TSPEAR: variants seen among roughly 807,000 people sequenced by gnomAD.
The protein encoded by TSPEAR is thrombospondin type laminin G domain and EAR repeats.
A neutral mutation model predicts 71.6 loss-of-function variants in TSPEAR; 69 were observed. That is an observed-to-expected ratio of 0.96 (90% CI 0.79 to 1.18). The LOEUF is 1.18. Ranked by LOEUF, TSPEAR falls within the 50% of genes most tolerant of loss-of-function variation. The probability of loss-of-function intolerance (pLI) is 0.00; values close to 1 mark genes in which losing one functional copy is unlikely to be tolerated. For missense variants in TSPEAR, 971 were observed against 894.9 expected, an observed-to-expected ratio of 1.09 and a Z score of -1.09; for synonymous variants, 402 against 387.2, an observed-to-expected ratio of 1.04 and a Z score of -0.45.
chr21:44,657,840 A>G lies in TSPEAR; in HGVS notation c.82+53593T>C, dbSNP rs587643410. ...GGGAAAATAAGATGTTGGGAAACAC[A>G]GTGGAAACAACCACAAGGAAGACAA... On this transcript the variant is annotated intron_variant, in intron 1 of 11. Transcript: ENST00000323084. 172 of 780,186 alleles carry G rather than the reference A, an allele frequency of 2.2e-4. No individual in the cohort carries two copies. In the African/African-American group the frequency reaches 2.4e-3, roughly 11 times the overall value. The allele number at this position is 780,186 out of a possible 1,614,324, so 48.3% of individuals were successfully genotyped here. A position where few individuals can be genotyped will look rare whatever the true frequency, so the allele number is the denominator to read the frequency against.
intron 1 of TSPEAR, among the ~76,000 whole-genome samples, chr21:44,645,678 C>A (rs1201534815): frequency 1.3e-5 from 2 of 152,022 alleles, no homozygotes; most frequent in Admixed American, 6.6e-5. Context: ...ATCGTCTGTG[C>A]CGTTTTTATT....
In TSPEAR at chr21:44,678,117, C is replaced by A. The variant is rs114348801; in HGVS notation, c.82+33316G>T. On this transcript the variant is annotated intron_variant, in intron 1 of 11. Transcript: ENST00000323084. The stretch of plus-strand genomic sequence containing the variant: ...GAGCGGACGGTGCTGCTGGTGGATG[C>A]GGGAGCTGCCATGGCGGCACGAGTA... 10 of 610,456 alleles carry A rather than the reference C, an allele frequency of 1.6e-5. No homozygotes were observed. In the African/African-American group the frequency reaches 1.8e-4, roughly 11 times the overall value. 37.8% of individuals were successfully genotyped at this position (610,456 alleles called of 1,614,324 possible).
chr21:44,707,235 C>T (rs1987969627), intron 1 of TSPEAR, among the ~76,000 whole-genome samples: 1 of 152,208 alleles, frequency 6.6e-6, no homozygotes, highest in Admixed American at 6.5e-5. Context: ...CCTGCCGCTC[C>T]ACCCCTGCCC....
At chr21:44,693,426 G>A (rs565447201) in intron 1 of TSPEAR, among the ~76,000 whole-genome samples, 1 of 152,240 alleles carries the variant, frequency 6.6e-6, no homozygotes, top group East Asian at 1.9e-4. Flanking sequence ...ACAATCCACA[G>A]AATGAAAGAA....
intron 1 of TSPEAR, chr21:44,601,348 T>A (rs1555928717): frequency 1.9e-6 from 3 of 1,613,206 alleles, no homozygotes; most frequent in Admixed American, 1.7e-5. Flanking sequence ...TGTGCCCACC[T>A]GCTCTGATGA....
At chr21:44,619,422 C>G (rs58081688) in intron 1 of TSPEAR, among the ~76,000 whole-genome samples, 1,537 of 152,356 alleles carry the variant, frequency 0.01, 21 homozygotes, top group African/African-American at 0.035. Context: ...TGTCACTGTG[C>G]AGTTTTCACC....
chr21:44,521,940 C>T lies in TSPEAR; in HGVS notation c.1509G>A (p.Val503=). 2 of 1,614,070 alleles carry T rather than the reference C, an allele frequency of 1.2e-6. No homozygotes were observed. Among genetic ancestry groups the T allele is most frequent in the Non-Finnish European group, 1.7e-6 (2 of 1,180,018 alleles). ...GGAGTCGGATGTAGAGGTGCGAGTG[C>T]ACCTTGGTGGAGGTGCCGTTGAAGG... is the stretch of plus-strand genomic sequence containing the variant. ...ANTFNGTSTK[V]HSHLYIRLLG... is the part of the protein sequence containing the mutation. The change falls in exon 9 of 12, where the codon GTG becomes GTA. Residue 503 remains valine (V), a synonymous_variant. Transcript: ENST00000323084.
In TSPEAR at chr21:44,600,708, C is replaced by T. The variant is rs374137541; in HGVS notation, c.83-32703G>A. ...TTCCTGGTTCCTGTGACTCTTGCTC[C>T]GACTCCTGGCAGGTGGACGACTGCC... is the stretch of plus-strand genomic sequence containing the variant. On this transcript the variant is annotated intron_variant, in intron 1 of 11. Transcript: ENST00000323084. 690 of 1,613,248 alleles carry T rather than the reference C, an allele frequency of 4.3e-4. 3 individuals carry two copies. The East Asian group carries it at 5.2e-3, about 12-fold the overall frequency.
intron 1 of TSPEAR, chr21:44,647,141 C>T (rs782453810): frequency 6.2e-7 from 1 of 1,614,208 alleles, no homozygotes; most frequent in South Asian, 1.1e-5. Context: ...TGCTGCACCA[C>T]CTCCTGCTGC....
chr21:44,651,853 G>GA (rs1292578958), intron 1 of TSPEAR, among the ~76,000 whole-genome samples: 9 of 152,006 alleles, frequency 5.9e-5, no homozygotes, highest in Admixed American at 1.3e-4. Flanking sequence ...GGACTAAGGG[G>GA]AAAAAAATCA....
At chr21:44,669,379 C>T (rs1985946635) in intron 1 of TSPEAR, among the ~76,000 whole-genome samples, 1 of 152,114 alleles carries the variant, frequency 6.6e-6, no homozygotes, top group Admixed American at 6.5e-5. Flanking sequence ...GGTGAGATTG[C>T]ACCACTGCAC....
intron 1 of TSPEAR, chr21:44,690,609 G>A: frequency 1.0e-6 from 1 of 985,298 alleles, no homozygotes; most frequent in Non-Finnish European, 1.2e-6. Context: ...TGAGCATGCT[G>A]TAAATAAACA....
At chr21:44,533,582 AGGACAGCTCCTGCAG>A in intron 3 of TSPEAR, 88 bp downstream of exon 3, 1 of 1,001,188 alleles carries the variant, frequency 1.0e-6, no homozygotes, top group Admixed American at 2.1e-5. Context: ...CTCCTGCCCC[AGGACAGCTCCTGCAG>A]GTGTTGCTCG....
rs781932736 is a variant in TSPEAR at position 44,647,312 on chromosome 21, T to C, written c.82+64121A>G. ...CTCTGCCGCCCCGCAAGCTCCCGCC[T>C]GGCCTGCTACAGCCTCTGCTCAGGC... is the stretch of plus-strand genomic sequence containing the variant. On this transcript the variant is annotated intron_variant, in intron 1 of 11. Transcript: ENST00000323084. The C allele has an allele frequency of 2.2e-5, 36 of 1,613,726 alleles. No homozygotes were observed. The highest frequency in any genetic ancestry group is 1.6e-4 in the Middle Eastern group (1 of 6,082).
chr21:44,647,296 C>T (rs1555940379), intron 1 of TSPEAR: 1 of 1,612,850 alleles, frequency 6.2e-7, no homozygotes, highest in Admixed American at 1.7e-5. Flanking sequence ...CCTCTGCCGC[C>T]CCGCAAGCTC....
intron 1 of TSPEAR, among the ~76,000 whole-genome samples, chr21:44,651,267 C>A (rs587714684): frequency 6.6e-6 from 1 of 152,252 alleles, no homozygotes; most frequent in Admixed American, 6.5e-5. Context: ...TCCTTGCCTC[C>A]CCCACACAGC....
At chr21:44,537,467 A>T (rs2053108567) in intron 2 of TSPEAR, among the ~76,000 whole-genome samples, 1 of 152,270 alleles carries the variant, frequency 6.6e-6, no homozygotes, top group African/African-American at 2.4e-5. Flanking sequence ...AGATCAAGAG[A>T]TGAATAGAAC....
intron 9 of TSPEAR, among the ~76,000 whole-genome samples, chr21:44,517,031 C>G (rs782790652): frequency 1.3e-5 from 2 of 152,194 alleles, no homozygotes; most frequent in African/African-American, 4.8e-5. Context: ...CCTGGCCTGG[C>G]CCCTGTGTCT....
At chr21:44,521,134 C>G (rs782644042) in intron 9 of TSPEAR, among the ~76,000 whole-genome samples, 2 of 152,216 alleles carry the variant, frequency 1.3e-5, no homozygotes, top group African/African-American at 4.8e-5. Flanking sequence ...ATGAGAGGCA[C>G]GCTTCCAGCA....
Sources: gnomAD v4.1 joint callset for allele counts (sites outside exome capture counted in the v4.1 genomes callset) on GRCh38, gnomAD v4.1.1 for gene constraint, MANE v1.5 for transcripts, NCBI Gene and HGNC (gene_info 2026-07-23, HGNC 2026-07-21) for gene names.